The following NCAPG variants were observed in gnomAD, a reference collection of about 807,000 sequenced individuals.
NCAPG encodes condensin complex subunit 3.
A neutral mutation model predicts 113.1 loss-of-function variants in NCAPG; 69 were observed. That is an observed-to-expected ratio of 0.61 (90% CI 0.50 to 0.75). The LOEUF (loss-of-function observed/expected upper bound fraction) is 0.75, where lower values mean the gene tolerates loss of function less well. Ranked by LOEUF, NCAPG falls within the 30% of genes least tolerant of loss-of-function variation. The pLI is 0.00. For missense variants in NCAPG, 1,058 were observed against 1,177.0 expected, an observed-to-expected ratio of 0.90 and a Z score of 1.48; for synonymous variants, 370 against 415.8, an observed-to-expected ratio of 0.89 and a Z score of 1.34.
At position 17,825,207 on chromosome 4, in the gene NCAPG, CAT is replaced by C. The variant is rs2109053228; in HGVS notation, c.1473+153_1473+154del. 5 of 792,830 alleles carry C rather than the reference CAT, an allele frequency of 6.3e-6. No homozygotes were observed. In the South Asian group the frequency reaches 9.5e-5, roughly 15 times the overall value. 49.1% of individuals were successfully genotyped at this position (792,830 alleles called of 1,614,324 possible). A position where few individuals can be genotyped will look rare whatever the true frequency, so the allele number is the denominator to read the frequency against. ...TATAAGAATATTTAAAATGTTACCA[CAT>C]ATGTCAGTCTCAGAGATATGCAGAT... On this transcript the variant is annotated intron_variant, in intron 10 of 20. Transcript: ENST00000251496.
In NCAPG at chr4:17,843,433, G is replaced by A. The variant is rs775104185; in HGVS notation, c.*8G>A. 14 of 1,610,016 alleles carry A rather than the reference G, an allele frequency of 8.7e-6. No individual in the cohort carries two copies. In the South Asian group the frequency reaches 1.3e-4, roughly 15 times the overall value. On this transcript the variant is annotated 3_prime_UTR_variant, in exon 21 of 21. Transcript: ENST00000251496. Reference sequence around the variant, plus strand: ...AATGAAGATCTAAGTTAGGAAAGACGATGGAGGTGGAATCCTTTAAGATTA... The same window carrying A: ...AATGAAGATCTAAGTTAGGAAAGACAATGGAGGTGGAATCCTTTAAGATTA...
chr4:17,835,906 T>A (rs921521851), intron 14 of NCAPG, among the ~76,000 whole-genome samples: 16 of 152,226 alleles, frequency 1.1e-4, no homozygotes, highest in African/African-American at 3.9e-4. Flanking sequence ...TTTTGGCTAT[T>A]GTGAATAGTG....
In NCAPG at chr4:17,837,800, A is replaced by G; in HGVS notation, c.2465A>G (p.Gln822Arg). 2 of 1,613,722 alleles carry G rather than the reference A, an allele frequency of 1.2e-6. No homozygotes were observed. Among genetic ancestry groups the G allele is most frequent in the Non-Finnish European group, 1.7e-6 (2 of 1,179,738 alleles). Residue 822 changes from glutamine (Q) to arginine (R), a missense_variant and splice_region_variant, in exon 16 of 21, where the codon CAG (glutamine) becomes CGG (arginine). Coordinates refer to ENST00000251496, the MANE Select transcript of NCAPG (RefSeq NM_022346.5). ...CAGGCCAAGACTTCCCAAGATTATC[A>G]GGTGAGTGACTGTGGTAACTGCATG... The part of the protein sequence containing the change: ...NPQAKTSQDY[Q>R]ALTVHDNLAM...
chr4:17,835,989 AC>A (rs1722078451), intron 14 of NCAPG, among the ~76,000 whole-genome samples: 1 of 152,172 alleles, frequency 6.6e-6, no homozygotes, highest in Non-Finnish European at 1.5e-5. Flanking sequence ...GTATCTGTAT[AC>A]CTAGGAATTG....
At chr4:17,819,511 C>T (rs977070076) in intron 7 of NCAPG, among the ~76,000 whole-genome samples, 8 of 151,974 alleles carry the variant, frequency 5.3e-5, no homozygotes, top group African/African-American at 1.7e-4. Flanking sequence ...AAGCGATTCT[C>T]TTGCCTCAGC....
At chr4:17,818,222 T>C in intron 7 of NCAPG, 134 bp downstream of exon 7, 2 of 828,104 alleles carry the variant, frequency 2.4e-6, no homozygotes, top group Middle Eastern at 2.4e-4. Context: ...GGGATAGTTA[T>C]ATACATCGAG....
At chr4:17,831,922 G>A (rs1351183330) in intron 13 of NCAPG, among the ~76,000 whole-genome samples, 3 of 152,082 alleles carry the variant, frequency 2.0e-5, no homozygotes, top group Non-Finnish European at 4.4e-5. Context: ...GACCAGGGAG[G>A]GTTTGGCAAA....
At chr4:17,817,217 C>G in intron 5 of NCAPG, 44 bp from the exon 6 acceptor site, 1 of 1,407,250 alleles carries the variant, frequency 7.1e-7, no homozygotes, top group Non-Finnish European at 9.9e-7. Context: ...GAGATGGAAG[C>G]TAGAGGGAGC....
chr4:17,840,152 C>A lies in NCAPG; in HGVS notation c.2710C>A (p.Gln904Lys). The A allele has an allele frequency of 6.2e-7, 1 of 1,611,522 alleles. No homozygotes were observed. The highest frequency in any genetic ancestry group is 8.5e-7 in the Non-Finnish European group (1 of 1,178,890). ...AAAAGGAAATAAAGAATTTGGTGAC[C>A]AAGCTGAAGCAGCACAGGATGCCAC... ...LEKGNKEFGD[Q>K]AEAAQDATLT... Residue 904 changes from glutamine to lysine, a missense_variant, in exon 18 of 21, where the codon CAA becomes AAA. Coordinates refer to ENST00000251496, the MANE Select transcript of NCAPG (RefSeq NM_022346.5).
chr4:17,815,317 A>T lies in NCAPG; in HGVS notation c.734A>T (p.Gln245Leu). The change falls in exon 5 of 21, where the codon CAG (glutamine) becomes CTG (leucine). Residue 245 changes from glutamine to leucine, a missense_variant. Physicochemically the swap from Gln to Leu is moderately radical, Grantham distance 113. Transcript: ENST00000251496. ...KVHMRAMSIA[Q>L]RVMLLQQGLN... ...CATATGAGAGCTATGTCCATTGCTC[A>T]GAGAGTAATGCTCCTTCAACAAGGT... is the stretch of plus-strand genomic sequence containing the variant. 6.3e-7 allele frequency: 1 copy of T among 1,590,116 alleles called. No individual in the cohort carries two copies. The highest frequency in any genetic ancestry group is 8.5e-7 in the Non-Finnish European group (1 of 1,174,582).
In NCAPG at chr4:17,821,457, CTT is replaced by C. The variant is rs34483824; in HGVS notation, c.1119-1505_1119-1504del. Among the ~76,000 whole-genome samples, 476 of 104,480 alleles carry C rather than the reference CTT, an allele frequency of 4.6e-3. 3 individuals carry two copies. The East Asian group carries it at 0.055, about 12-fold the overall frequency. 68.5% of individuals were successfully genotyped at this position (104,480 alleles called of 152,430 possible). ...GTAACTTGGTTTTTGTCACCCCCGC[CTT>C]TTTTTTTTTTTTTTTTTTTTAAGAG... On this transcript the variant is annotated intron_variant, in intron 7 of 20. Transcript: ENST00000251496.
In NCAPG at chr4:17,815,038, G is replaced by A. The variant is rs1272926613; in HGVS notation, c.690+40G>A. On this transcript the variant is annotated intron_variant, in intron 4 of 20. Coordinates refer to ENST00000251496, the MANE Select transcript of NCAPG (RefSeq NM_022346.5). ...TGTCTTGTGTTGGCATATTCTTAAA[G>A]GACAAGGAGCCATTTTCTTAAAGTG... 5.6e-6 allele frequency: 9 copies of A among 1,602,470 alleles called. No individual in the cohort carries two copies. In the African/African-American group the frequency reaches 8.1e-5, roughly 14 times the overall value.
Position 17,811,871 on chromosome 4 carries a change from G to T in NCAPG, c.112-350G>T, listed in dbSNP as rs770615987. 6.6e-6 allele frequency among the ~76,000 whole-genome samples: 1 copy of T among 152,142 alleles called. No homozygotes were observed. The highest frequency in any genetic ancestry group is 1.5e-5 in the Non-Finnish European group (1 of 68,022). ...TAAAGAAACTGCTGGTGATAGGAAG[G>T]CCTGAATATGAGAAATATAAAAGCC... On this transcript the variant is annotated intron_variant, in intron 1 of 20. Coordinates refer to ENST00000251496, the MANE Select transcript of NCAPG (RefSeq NM_022346.5). This position sits in a 1 kb window ranked among gnomAD's most constrained non-coding sequence, Gnocchi z 5.3.
Position 17,814,987 on chromosome 4 carries a change from C to G in NCAPG, c.679C>G (p.Leu227Val), listed in dbSNP as rs779956927. The G allele has an allele frequency of 5.6e-6, 9 of 1,614,000 alleles. No homozygotes were observed. Among genetic ancestry groups the G allele is most frequent in the Non-Finnish European group, 5.9e-6 (7 of 1,180,026 alleles). The change falls in exon 4 of 21, where the codon CTG (leucine) becomes GTG (valine). Residue 227 changes from leucine (L) to valine (V), a missense_variant. Physicochemically the swap from Leu to Val is conservative, Grantham distance 32. Transcript: ENST00000251496. ...GGATGTGAAAGAGGCTGTCAGAAAG[C>G]TGGCTTATCAGGTAAATAAGTTCAA... is the stretch of plus-strand genomic sequence containing the variant. ...TKDVKEAVRK[L>V]AYQVLAEKVH...
At chr4:17,825,927 ATGACCTTTC>A (rs1721641844) in intron 11 of NCAPG, among the ~76,000 whole-genome samples, 1 of 152,074 alleles carries the variant, frequency 6.6e-6, no homozygotes, top group Non-Finnish European at 1.5e-5. Context: ...TGGAGGATCA[ATGACCTTTC>A]TTTTTTATTG....
In NCAPG at chr4:17,825,047, AAG is replaced by A; in HGVS notation, c.1465_1466del (p.Glu489ThrfsTer5). On this transcript the variant is annotated frameshift_variant, in exon 10 of 21. Transcript: ENST00000251496. LOFTEE classifies it high-confidence loss of function. ...AACGATCCAGCTGATGTAAGAAAGA[AAG>A]AACTCAAGGTAAGTCTCTTTTAAAT... 6 of 1,611,654 alleles carry A rather than the reference AAG, an allele frequency of 3.7e-6. No homozygotes were observed. The highest frequency in any genetic ancestry group is 4.2e-6 in the Non-Finnish European group (5 of 1,178,502).
intron 8 of NCAPG, among the ~76,000 whole-genome samples, chr4:17,823,362 T>C (rs1721534556): frequency 6.6e-6 from 1 of 152,182 alleles, no homozygotes; most frequent in Non-Finnish European, 1.5e-5. Context: ...TTTAGATTTA[T>C]TAAGGCTAGT....
chr4:17,812,418 C>G lies in NCAPG; in HGVS notation c.309C>G (p.Leu103=). Reference sequence around the variant, plus strand: ...TTTTAAATTATTTGTTTACTTTTCTCTTAAAGGTACTATGAAAATGATAGC... The same window carrying G: ...TTTTAAATTATTTGTTTACTTTTCTGTTAAAGGTACTATGAAAATGATAGC... The part of the protein sequence containing the change: ...GGLLNYLFTF[L]LKSHEANSNA... Residue 103 remains leucine (L), a synonymous_variant, in exon 2 of 21, where the codon CTC becomes CTG. Coordinates refer to ENST00000251496, the MANE Select transcript of NCAPG (RefSeq NM_022346.5). The G allele has an allele frequency of 6.2e-7, 1 of 1,612,122 alleles. No individual in the cohort carries two copies. The highest frequency in any genetic ancestry group is 8.5e-7 in the Non-Finnish European group (1 of 1,178,554).
Position 17,840,184 on chromosome 4 carries a change from T to TACA in NCAPG, c.2745_2747dup (p.Thr917dup). 6.2e-7 allele frequency: 1 copy of TACA among 1,601,264 alleles called. No individual in the cohort carries two copies. The highest frequency in any genetic ancestry group is 8.5e-7 in the Non-Finnish European group (1 of 1,175,716). ...AAGCAGCACAGGATGCCACCTTGAC[T>TACA]ACAACTACTTTCCAAAATGAAGATG... On this transcript the variant is annotated inframe_insertion, in exon 18 of 21. Transcript: ENST00000251496.
Sources: gnomAD v4.1 joint callset for allele counts (sites outside exome capture counted in the v4.1 genomes callset) on GRCh38, gnomAD v4.1.1 for gene constraint, Gnocchi (gnomAD v3.1) non-coding constraint, MANE v1.5 for transcripts, NCBI Gene and HGNC (gene_info 2026-07-23, HGNC 2026-07-21) for gene names.